Variants in UBE2R2 observed in about 807,000 individuals in gnomAD.
The protein encoded by UBE2R2 is ubiquitin-conjugating enzyme E2 R2.
In UBE2R2, 1 loss-of-function variant was observed where a neutral mutation model predicts 27.8. The ratio of observed to expected loss-of-function variants is 0.04; its 90% confidence interval spans 0.01 to 0.17. The LOEUF (loss-of-function observed/expected upper bound fraction) is 0.17, where lower values mean the gene tolerates loss of function less well. Among genes scored for constraint, UBE2R2 ranks in the 10% least tolerant of loss-of-function variants. The probability of loss-of-function intolerance (pLI) is 1.00; values close to 1 mark genes in which losing one functional copy is unlikely to be tolerated. For missense variants in UBE2R2, 100 were observed against 291.0 expected, an observed-to-expected ratio of 0.34 and a Z score of 4.78; for synonymous variants, 106 against 113.3, an observed-to-expected ratio of 0.94 and a Z score of 0.41.
intron 1 of UBE2R2, among the ~76,000 whole-genome samples, chr9:33,863,977 T>C (rs1821304980): frequency 6.6e-6 from 1 of 152,092 alleles, no homozygotes; most frequent in Admixed American, 6.6e-5. Flanking sequence ...TGTACCACCA[T>C]GGCCCCGTTT....
intron 1 of UBE2R2, among the ~76,000 whole-genome samples, chr9:33,850,861 T>C (rs1820951199): frequency 6.6e-6 from 1 of 152,228 alleles, no homozygotes; most frequent in Non-Finnish European, 1.5e-5. Context: ...TTTGTTTACT[T>C]CCTATGGTTA....
intron 1 of UBE2R2, among the ~76,000 whole-genome samples, chr9:33,832,308 C>A (rs1164278876): frequency 2.2e-5 from 3 of 136,598 alleles, no homozygotes; most frequent in African/African-American, 2.6e-5. Flanking sequence ...AAATCTATCT[C>A]AAAAAAAAAA....
chr9:33,835,723 A>G (rs968980325), intron 1 of UBE2R2, among the ~76,000 whole-genome samples: 4 of 151,808 alleles, frequency 2.6e-5, no homozygotes, highest in South Asian at 2.1e-4. Flanking sequence ...TTCTACAAAA[A>G]AAAAAACAAA....
At chr9:33,864,236 A>G (rs940311145) in intron 1 of UBE2R2, among the ~76,000 whole-genome samples, 1 of 152,190 alleles carries the variant, frequency 6.6e-6, no homozygotes, top group Non-Finnish European at 1.5e-5. Context: ...TCTTAGCACT[A>G]GAATGTCTTT....
At chr9:33,819,316 A>C (rs1825918451) in intron 1 of UBE2R2, among the ~76,000 whole-genome samples, 1 of 152,100 alleles carries the variant, frequency 6.6e-6, no homozygotes. Context: ...AAATTAGGTC[A>C]ACTTTGTAGG....
chr9:33,827,582 A>G (rs1820343175), intron 1 of UBE2R2, among the ~76,000 whole-genome samples: 1 of 152,120 alleles, frequency 6.6e-6, no homozygotes, highest in Admixed American at 6.6e-5. Context: ...TGGAATTTGC[A>G]GTAAGCTGAG....
At chr9:33,823,143 T>G (rs975450343) in intron 1 of UBE2R2, among the ~76,000 whole-genome samples, 2 of 151,252 alleles carry the variant, frequency 1.3e-5, no homozygotes, top group African/African-American at 4.9e-5. Flanking sequence ...TGGCCTCAAG[T>G]GATCTGCCCA....
intron 1 of UBE2R2, among the ~76,000 whole-genome samples, chr9:33,857,577 A>G (rs775735416): frequency 2.6e-5 from 4 of 152,174 alleles, no homozygotes; most frequent in Admixed American, 6.5e-5. Flanking sequence ...TGGCCTTCCA[A>G]AGTGCTGGGA....
rs574611035 is a variant in UBE2R2 at position 33,829,558 on chromosome 9, A to G, written c.177+11624A>G. Among the ~76,000 whole-genome samples, 5 of 152,278 alleles carry G rather than the reference A, an allele frequency of 3.3e-5. No individual in the cohort carries two copies. In the East Asian group the frequency reaches 9.6e-4, roughly 29 times the overall value. The stretch of plus-strand genomic sequence containing the variant: ...GTTTTTATAAAAAGTTGATTTTGGG[A>G]TGAGAAATGATGATATAGTACCTCT... On this transcript the variant is annotated intron_variant, in intron 1 of 4. Coordinates refer to ENST00000263228, the MANE Select transcript of UBE2R2 (RefSeq NM_017811.4).
Position 33,917,361 on chromosome 9 carries a change from C to A in UBE2R2, c.*124C>A. 7.1e-7 allele frequency: 1 copy of A among 1,410,104 alleles called. No homozygotes were observed. Among genetic ancestry groups the A allele is most frequent in the Middle Eastern group, 2.6e-4 (1 of 3,858 alleles). 87.3% of individuals were successfully genotyped at this position (1,410,104 alleles called of 1,614,324 possible). The stretch of plus-strand genomic sequence containing the variant: ...ACAGCGGGTGGGGAAACACACACAG[C>A]TCCTGCTGACTCCCCTTATGGATCT... On this transcript the variant is annotated 3_prime_UTR_variant, in exon 5 of 5. Transcript: ENST00000263228.
At chr9:33,881,121 C>T (rs887231493) in intron 1 of UBE2R2, among the ~76,000 whole-genome samples, 1 of 152,154 alleles carries the variant, frequency 6.6e-6, no homozygotes, top group Non-Finnish European at 1.5e-5. Context: ...TACCAGTGCA[C>T]ACACAGTTAA....
At chr9:33,837,967 A>G (rs1820650405) in intron 1 of UBE2R2, among the ~76,000 whole-genome samples, 2 of 152,196 alleles carry the variant, frequency 1.3e-5, no homozygotes, top group Admixed American at 6.6e-5. Context: ...ATAGAAGTAT[A>G]CATAGTTTTA....
chr9:33,913,871 T>C (rs1822563843), intron 4 of UBE2R2, among the ~76,000 whole-genome samples: 1 of 152,192 alleles, frequency 6.6e-6, no homozygotes. Context: ...TCTGTGTGTG[T>C]ATATATATCT....
intron 3 of UBE2R2, among the ~76,000 whole-genome samples, chr9:33,911,131 G>C (rs545653223): frequency 6.6e-6 from 1 of 151,146 alleles, no homozygotes; most frequent in Admixed American, 6.6e-5. Context: ...AAAAACGGCC[G>C]GGCGTAGTGG....
chr9:33,874,386 A>G (rs1391196419), intron 1 of UBE2R2, among the ~76,000 whole-genome samples: 2 of 152,178 alleles, frequency 1.3e-5, no homozygotes, highest in East Asian at 1.9e-4. Flanking sequence ...AAAAATAATA[A>G]CATGTTTATT....
At chr9:33,879,856 G>T (rs1821694249) in intron 1 of UBE2R2, among the ~76,000 whole-genome samples, 2 of 136,540 alleles carry the variant, frequency 1.5e-5, no homozygotes, top group South Asian at 4.9e-4. Flanking sequence ...TTCATAGTCT[G>T]TCCTTTCCTC....
At chr9:33,855,131 T>C (rs780549678) in intron 1 of UBE2R2, among the ~76,000 whole-genome samples, 10 of 152,178 alleles carry the variant, frequency 6.6e-5, no homozygotes, top group Admixed American at 2.6e-4. Context: ...CATGCAGGCT[T>C]GTTTGTTATG....
intron 1 of UBE2R2, among the ~76,000 whole-genome samples, chr9:33,873,728 C>T (rs982519542): frequency 2.0e-5 from 3 of 152,076 alleles, no homozygotes; most frequent in Admixed American, 6.6e-5. Flanking sequence ...GCATACTTGA[C>T]CTCCCAGGCT....
chr9:33,824,620 G>C (rs2994033), intron 1 of UBE2R2, among the ~76,000 whole-genome samples: 90,389 of 147,302 alleles, frequency 0.61, 27,889 homozygotes, highest in East Asian at 0.77. Context: ...GCCTGGGCGA[G>C]AGAGCGAGGC....
Sources: allele counts gnomAD v4.1 joint callset (sites outside exome capture counted in the v4.1 genomes callset), GRCh38; gene constraint gnomAD v4.1.1; transcripts MANE v1.5; gene names NCBI Gene and HGNC (gene_info 2026-07-23, HGNC 2026-07-21).